Variants in VTI1A observed in about 807,000 individuals in gnomAD.
VTI1A encodes the protein vesicle transport through interaction with t-SNAREs homolog 1A.
VTI1A carries 22 observed loss-of-function variants against 34.9 expected under a neutral mutation model. The ratio of observed to expected loss-of-function variants is 0.63; its 90% CI spans 0.45 to 0.90. The LOEUF (loss-of-function observed/expected upper bound fraction) is 0.90, where lower values mean the gene tolerates loss of function less well. Ranked by LOEUF, VTI1A falls within the 40% of genes least tolerant of loss-of-function variation. The probability of loss-of-function intolerance (pLI) is 0.00; values close to 1 mark genes in which losing one functional copy is unlikely to be tolerated. For synonymous variants in VTI1A, 87 were observed against 97.3 expected (o/e 0.89, Z 0.62); for missense variants, 268 against 275.6 (o/e 0.97, Z 0.20).
At chr10:112,566,472 G>A (rs930388603) in intron 5 of VTI1A, among the ~76,000 whole-genome samples, 7 of 152,060 alleles carry the variant, frequency 4.6e-5, no homozygotes, top group Admixed American at 1.3e-4. Flanking sequence ...ACATTTAAAC[G>A]TCCTTCTTTG....
At chr10:112,840,220 G>T in the VTI1A span, among the ~76,000 whole-genome samples, 1 of 152,074 alleles carries the variant, frequency 6.6e-6, no homozygotes, top group African/African-American at 2.4e-5. Context: ...ACCATAAATG[G>T]CCAGGACTTG....
chr10:112,673,485 C>T (rs1241268438), intron 7 of VTI1A, among the ~76,000 whole-genome samples: 1 of 152,230 alleles, frequency 6.6e-6, no homozygotes, highest in East Asian at 1.9e-4. Flanking sequence ...CACACACACG[C>T]ACTCAGATTG....
Position 112,753,668 on chromosome 10 carries a change from T to C in VTI1A, c.561-61622T>C, listed in dbSNP as rs370914274. ...AAAAGAGACTATGCAAGAGCAAAAA[T>C]AGACTTTTTTCCCCAGACTTCTGTT... On this transcript the variant is annotated intron_variant, in intron 7 of 7. Transcript: ENST00000393077. 1.1e-4 allele frequency among the ~76,000 whole-genome samples: 16 copies of C among 152,310 alleles called. No individual in the cohort carries two copies. The South Asian group carries it at 2.9e-3, about 28-fold the overall frequency.
In VTI1A at chr10:112,529,138, A is replaced by C. The variant is rs1302203656; in HGVS notation, c.342+1974A>C. Among the ~76,000 whole-genome samples, 4 of 152,172 alleles carry C rather than the reference A, an allele frequency of 2.6e-5. No individual in the cohort carries two copies. The East Asian group carries it at 7.7e-4, about 29-fold the overall frequency. Reference sequence around the variant, plus strand: ...TTTACATGTAAGGAACTGTCACTTCAATAAATAGAGTATGATAAATTATAG... The same window carrying C: ...TTTACATGTAAGGAACTGTCACTTCCATAAATAGAGTATGATAAATTATAG... On this transcript the variant is annotated intron_variant, in intron 4 of 7. Transcript: ENST00000393077.
chr10:112,765,473 G>C (rs1316047050), intron 7 of VTI1A, among the ~76,000 whole-genome samples: 1 of 152,190 alleles, frequency 6.6e-6, no homozygotes, highest in African/African-American at 2.4e-5. Context: ...GCCTCCCAAA[G>C]TGCTGAGATT....
intron 5 of VTI1A, among the ~76,000 whole-genome samples, chr10:112,551,285 T>C (rs1262205847): frequency 6.8e-6 from 1 of 146,480 alleles, no homozygotes; most frequent in Non-Finnish European, 1.5e-5. Flanking sequence ...ACAATGGAGC[T>C]ATTTTTTTTT....
At chr10:112,743,673 A>G (rs1850779291) in intron 7 of VTI1A, among the ~76,000 whole-genome samples, 2 of 152,220 alleles carry the variant, frequency 1.3e-5, no homozygotes, top group Non-Finnish European at 2.9e-5. Flanking sequence ...TAAACTCCAC[A>G]TGGCAAACCC....
the VTI1A span, among the ~76,000 whole-genome samples, chr10:112,837,240 T>C: frequency 6.6e-5 from 10 of 151,924 alleles, no homozygotes; most frequent in Non-Finnish European, 1.3e-4. Flanking sequence ...GGCAGGAGAA[T>C]CGTTTGAACC....
At chr10:112,811,712 A>AAAAAAAAAGAT (rs67154330) in intron 7 of VTI1A, among the ~76,000 whole-genome samples, 1,401 of 84,026 alleles carry the variant, frequency 0.017, 459 homozygotes, top group African/African-American at 0.036. Flanking sequence ...AAAAAAAAAA[A>AAAAAAAAAGAT]GAGTGCAGTC....
chr10:112,844,991 G>A, the VTI1A span, among the ~76,000 whole-genome samples: 2 of 152,164 alleles, frequency 1.3e-5, no homozygotes, highest in Non-Finnish European at 2.9e-5. Context: ...TCCTCTTCCC[G>A]CTGCAGTTTC....
chr10:112,764,091 C>CAACAGACTG (rs1343370735), intron 7 of VTI1A, among the ~76,000 whole-genome samples: 1 of 152,180 alleles, frequency 6.6e-6, no homozygotes, highest in Non-Finnish European at 1.5e-5. Context: ...TAGAGATCCC[C>CAACAGACTG]AACAGACTGA....
chr10:112,820,740 G>A (rs1044140423), downstream of VTI1A, among the ~76,000 whole-genome samples: 2 of 152,212 alleles, frequency 1.3e-5, no homozygotes, highest in African/African-American at 4.8e-5. Context: ...TGCAGAGTGA[G>A]TTCCCATCTC....
chr10:112,466,346 G>A (rs1847892823), intron 3 of VTI1A, among the ~76,000 whole-genome samples: 1 of 151,990 alleles, frequency 6.6e-6, no homozygotes, highest in African/African-American at 2.4e-5. Context: ...GTATGTGAAT[G>A]GCTACTATCT....
chr10:112,569,776 C>T (rs1284245238), intron 5 of VTI1A, among the ~76,000 whole-genome samples: 3 of 152,166 alleles, frequency 2.0e-5, no homozygotes, highest in Non-Finnish European at 2.9e-5. Flanking sequence ...TGATAATCGA[C>T]CAGATCAGAA....
At position 112,813,575 on chromosome 10, in the gene VTI1A, GA is replaced by G. The variant is rs886690159; in HGVS notation, c.561-1709del. ...TCCTGTCCCTCCCAGAGAAAAGGGG[GA>G]AAAAATCAATTTGGGTTTTAAACAG... On this transcript the variant is annotated intron_variant, in intron 7 of 7. Transcript: ENST00000393077. 9.2e-4 allele frequency among the ~76,000 whole-genome samples: 140 copies of G among 152,248 alleles called. 1 individual carries two copies. Among genetic ancestry groups the G allele is most frequent in the African/African-American group, 3.0e-3 (123 of 41,554 alleles).
At chr10:112,803,224 A>G (rs1852938511) in intron 7 of VTI1A, among the ~76,000 whole-genome samples, 1 of 152,074 alleles carries the variant, frequency 6.6e-6, no homozygotes, top group Non-Finnish European at 1.5e-5. Context: ...ATGTGCCACC[A>G]TGCCCGGCTA....
chr10:112,589,615 C>G (rs1205966481), intron 5 of VTI1A, among the ~76,000 whole-genome samples: 1 of 152,046 alleles, frequency 6.6e-6, no homozygotes, highest in Admixed American at 6.5e-5. Flanking sequence ...ATGATAATAG[C>G]TAATTGTTGA....
At chr10:112,543,770 A>G (rs1850959698) in intron 5 of VTI1A, among the ~76,000 whole-genome samples, 2 of 152,178 alleles carry the variant, frequency 1.3e-5, no homozygotes, top group South Asian at 4.1e-4. Flanking sequence ...TATGTCCTGA[A>G]TGGTATTGCC....
At chr10:112,792,444 C>T (rs570998205) in intron 7 of VTI1A, among the ~76,000 whole-genome samples, 95 of 152,140 alleles carry the variant, frequency 6.2e-4, no homozygotes, top group African/African-American at 2.2e-3. Context: ...ACCTGGGACC[C>T]GAGCCTGGCT....
Sources: gnomAD v4.1 joint callset for allele counts (sites outside exome capture counted in the v4.1 genomes callset) on GRCh38, gnomAD v4.1.1 for gene constraint, MANE v1.5 for transcripts, NCBI Gene and HGNC (gene_info 2026-07-23, HGNC 2026-07-21) for gene names.